Variants in P2RX5 observed in about 807,000 individuals in gnomAD.
The protein encoded by P2RX5 is P2X purinoceptor 5.
In P2RX5, 46 loss-of-function variants were observed where a neutral mutation model predicts 54.1. The observed-to-expected ratio is 0.85, with a 90% CI of 0.67 to 1.09. P2RX5 has a LOEUF of 1.09. Ranked by LOEUF, P2RX5 falls within the 50% of genes least tolerant of loss-of-function variation. The probability of loss-of-function intolerance (pLI) is 0.00; values close to 1 mark genes in which losing one functional copy is unlikely to be tolerated. For synonymous variants in P2RX5, 226 were observed against 226.4 expected (o/e 1.00, Z 0.02); for missense variants, 566 against 549.8 (o/e 1.03, Z -0.29).
chr17:3,690,829 AC>A, intron 3 of P2RX5, 126 bp downstream of exon 3: 1 of 1,120,022 alleles, frequency 8.9e-7, no homozygotes, highest in Non-Finnish European at 1.3e-6. Flanking sequence ...CAGGAACCAC[AC>A]CCGGGTGCAC....
the P2RX5 span, among the ~76,000 whole-genome samples, chr17:3,718,933 T>C: frequency 9.2e-5 from 14 of 152,186 alleles, no homozygotes; most frequent in Admixed American, 6.5e-5. Context: ...ATTTTCTGTA[T>C]TAGAAATACA....
chr17:3,690,579 A>G, intron 4 of P2RX5, 26 bp downstream of exon 4: 1 of 1,613,194 alleles, frequency 6.2e-7, no homozygotes, highest in Non-Finnish European at 8.5e-7. Context: ...GTCCTCCTTC[A>G]GCCCGTGGCC....
chr17:3,679,625 G>A lies in P2RX5; in HGVS notation c.1224C>T (p.Asn408=), dbSNP rs201152395. 2.7e-5 allele frequency: 44 copies of A among 1,608,952 alleles called. No individual in the cohort carries two copies. Among genetic ancestry groups the A allele is most frequent in the East Asian group, 8.9e-5 (4 of 44,892 alleles). The part of the protein sequence containing the change: ...AKRGSSSQKG[N]GSVCPQLLEP... The stretch of plus-strand genomic sequence containing the variant: ...CCAGGAGCTGTGGGCACACAGATCC[G>A]TTCCCCTTCTGACTGCTGCTTCCAC... Residue 408 remains asparagine (N), a synonymous_variant, in exon 11 of 12, where the codon AAC becomes AAT. Transcript: ENST00000225328.
chr17:3,709,016 A>G, the P2RX5 span, among the ~76,000 whole-genome samples: 2 of 152,172 alleles, frequency 1.3e-5, no homozygotes, highest in Non-Finnish European at 2.9e-5. Flanking sequence ...CAATGGCACA[A>G]TCTTGGCTCA....
chr17:3,707,125 T>G, the P2RX5 span, among the ~76,000 whole-genome samples: 5 of 152,288 alleles, frequency 3.3e-5, no homozygotes, highest in East Asian at 1.9e-4. Flanking sequence ...TTATAAACTT[T>G]TATTGTTTAA....
At chr17:3,678,177 T>G in intron 11 of P2RX5, 1 of 906,486 alleles carries the variant, frequency 1.1e-6, no homozygotes, top group Non-Finnish European at 1.3e-6. Flanking sequence ...CAGAGAGGAC[T>G]GTCGGGAGCC....
the P2RX5 span, among the ~76,000 whole-genome samples, chr17:3,708,500 G>A: frequency 6.7e-6 from 1 of 150,006 alleles, no homozygotes; most frequent in Non-Finnish European, 1.5e-5. Context: ...ACATGGCCTT[G>A]CCAACAGTCA....
chr17:3,700,149 G>A (rs1193780203), upstream of P2RX5, among the ~76,000 whole-genome samples: 2 of 152,110 alleles, frequency 1.3e-5, no homozygotes, highest in Non-Finnish European at 2.9e-5. Flanking sequence ...CCATGGCTGA[G>A]GCCAACTCAC....
chr17:3,694,248 C>A (rs1262406270), intron 1 of P2RX5, among the ~76,000 whole-genome samples: 1 of 143,254 alleles, frequency 7.0e-6, no homozygotes, highest in Non-Finnish European at 1.5e-5. Flanking sequence ...AAAAAAAAGG[C>A]CGCATACTAT....
Position 3,690,087 on chromosome 17 carries a change from G to T in P2RX5, c.597C>A (p.Pro199=), listed in dbSNP as rs752737665. ...CCACGTACTTGGAGAAGTTGAATTT[G>T]GGGAAACGGATGTGGTTCTTTATGA... ...TIFIKNHIRF[P]KFNFSKSNVM... The change falls in exon 6 of 12, where the codon CCC becomes CCA. Residue 199 remains proline, a synonymous_variant. Coordinates refer to ENST00000225328, the MANE Select transcript of P2RX5 (RefSeq NM_002561.4). The T allele has an allele frequency of 4.3e-6, 7 of 1,614,048 alleles. No individual in the cohort carries two copies. Among genetic ancestry groups the T allele is most frequent in the Non-Finnish European group, 5.9e-6 (7 of 1,180,006 alleles).
chr17:3,713,035 G>A, the P2RX5 span, among the ~76,000 whole-genome samples: 2 of 152,114 alleles, frequency 1.3e-5, no homozygotes, highest in African/African-American at 4.8e-5. Context: ...AAACAGTCGG[G>A]GGAAAAAACG....
chr17:3,688,076 C>CCGGCTGCGT lies in P2RX5; in HGVS notation c.908_916dup (p.Asp303_Ala305dup). The CCGGCTGCGT allele has an allele frequency of 6.2e-7, 1 of 1,606,460 alleles. No individual in the cohort carries two copies. Among genetic ancestry groups the CCGGCTGCGT allele is most frequent in the Non-Finnish European group, 8.5e-7 (1 of 1,176,234 alleles). On this transcript the variant is annotated inframe_insertion, in exon 9 of 12. Transcript: ENST00000225328. ...TTTCATCAGGGTGCGGAACTCCACC[C>CCGGCTGCGT]CGGCTGCGTCTCGGTAATATCTGGC...
At chr17:3,692,934 T>G (rs1045360701) in intron 1 of P2RX5, among the ~76,000 whole-genome samples, 1 of 151,992 alleles carries the variant, frequency 6.6e-6, no homozygotes. Flanking sequence ...TCATAAAAAT[T>G]TAAAATGTTC....
chr17:3,710,896 C>T, the P2RX5 span, among the ~76,000 whole-genome samples: 2 of 152,282 alleles, frequency 1.3e-5, no homozygotes, highest in Non-Finnish European at 2.9e-5. Flanking sequence ...CCACTGCACT[C>T]CAGCATGAAC....
the P2RX5 span, chr17:3,723,460 G>T: frequency 8.6e-7 from 1 of 1,157,710 alleles, no homozygotes; most frequent in South Asian, 1.2e-5. Context: ...TTCGGACACA[G>T]AGCATCGTAA....
chr17:3,683,243 C>T (rs2050336309), intron 9 of P2RX5, among the ~76,000 whole-genome samples: 1 of 152,074 alleles, frequency 6.6e-6, no homozygotes, highest in Admixed American at 6.5e-5. Context: ...GTGGAGGGGC[C>T]AACAAGGAAT....
intron 9 of P2RX5, among the ~76,000 whole-genome samples, chr17:3,684,760 A>G (rs2050387785): frequency 6.6e-6 from 1 of 151,886 alleles, no homozygotes; most frequent in South Asian, 2.1e-4. Flanking sequence ...GTGTAAGACC[A>G]CAACACAGAA....
At chr17:3,723,760 T>C in the P2RX5 span, 4 of 1,606,290 alleles carry the variant, frequency 2.5e-6, no homozygotes, top group Non-Finnish European at 3.4e-6. Context: ...ACGAGAGCCA[T>C]GACCGCGACG....
chr17:3,723,234 C>G, the P2RX5 span: 2 of 1,159,864 alleles, frequency 1.7e-6, no homozygotes, highest in Non-Finnish European at 2.6e-6. Flanking sequence ...CTTCTAGGGG[C>G]GATGCCCGTG....
Sources: gnomAD v4.1 joint callset for allele counts (sites outside exome capture counted in the v4.1 genomes callset) on GRCh38, gnomAD v4.1.1 for gene constraint, MANE v1.5 for transcripts, NCBI Gene and HGNC (gene_info 2026-07-23, HGNC 2026-07-21) for gene names.